Variants in DIPK1A observed in about 807,000 individuals in gnomAD.
DIPK1A encodes the protein family with sequence similarity 69 member A.
A neutral mutation model predicts 40.8 loss-of-function variants in DIPK1A; 27 were observed. The observed-to-expected ratio is 0.66, with a 90% CI of 0.49 to 0.91. The LOEUF is 0.91. Among genes scored for constraint, DIPK1A ranks in the 40% least tolerant of loss-of-function variants. The pLI is 0.00. For synonymous variants in DIPK1A, 166 were observed against 171.3 expected (o/e 0.97, Z 0.24); for missense variants, 412 against 505.7 (o/e 0.81, Z 1.78).
chr1:92,950,068 G>A (rs149853085), intron 1 of DIPK1A, among the ~76,000 whole-genome samples: 11 of 152,250 alleles, frequency 7.2e-5, no homozygotes, highest in East Asian at 3.9e-4. Context: ...TCATGCACTC[G>A]CAGTTTGGGT....
At chr1:92,893,366 G>T (rs1304221383) in intron 1 of DIPK1A, among the ~76,000 whole-genome samples, 2 of 151,782 alleles carry the variant, frequency 1.3e-5, no homozygotes, top group Admixed American at 6.6e-5. Context: ...TTAAAGAAAA[G>T]AATTTTCAAC....
intron 1 of DIPK1A, among the ~76,000 whole-genome samples, chr1:92,910,290 G>A (rs1312577215): frequency 6.6e-6 from 1 of 152,028 alleles, no homozygotes; most frequent in Non-Finnish European, 1.5e-5. Flanking sequence ...AGAATTCAAT[G>A]GACTGATCTC....
chr1:92,944,017 G>A (rs1651271502), intron 1 of DIPK1A, among the ~76,000 whole-genome samples: 1 of 151,612 alleles, frequency 6.6e-6, no homozygotes, highest in South Asian at 2.1e-4. Context: ...TGAAGAGGAT[G>A]GTGCATCCAC....
intron 1 of DIPK1A, among the ~76,000 whole-genome samples, chr1:92,955,176 G>A (rs1040688242): frequency 6.6e-6 from 1 of 152,014 alleles, no homozygotes; most frequent in African/African-American, 2.4e-5. Context: ...TGGCTTTTGG[G>A]GGCTCAGTGG....
intron 2 of DIPK1A, among the ~76,000 whole-genome samples, chr1:92,855,552 A>T (rs539664234): frequency 9.9e-5 from 15 of 151,158 alleles, no homozygotes; most frequent in South Asian, 2.1e-4. Flanking sequence ...TTTTTTTTTT[A>T]AATTAGCCAG....
intron 1 of DIPK1A, among the ~76,000 whole-genome samples, chr1:92,915,562 G>C (rs988239228): frequency 6.6e-6 from 1 of 152,178 alleles, no homozygotes; most frequent in Admixed American, 6.5e-5. Context: ...GACAGTATCA[G>C]TAAGAATAGT....
chr1:92,884,841 A>T (rs1271629573), intron 1 of DIPK1A, among the ~76,000 whole-genome samples: 1 of 152,238 alleles, frequency 6.6e-6, no homozygotes, highest in Non-Finnish European at 1.5e-5. Context: ...ACTTCTAAGG[A>T]CTTACAAGCT....
chr1:92,912,091 T>C (rs1231391700), intron 1 of DIPK1A, among the ~76,000 whole-genome samples: 2 of 151,838 alleles, frequency 1.3e-5, no homozygotes, highest in Non-Finnish European at 2.9e-5. Context: ...TATACCATTT[T>C]ATACTCTCAA....
At chr1:92,876,987 C>A in intron 1 of DIPK1A, 3 of 985,290 alleles carry the variant, frequency 3.0e-6, no homozygotes, top group Non-Finnish European at 3.6e-6. Context: ...TCTTGTTCAG[C>A]GAACCAAATG....
chr1:92,832,838 C>T, exon 5 of DIPK1A: 3 of 598,516 alleles, frequency 5.0e-6, no homozygotes, highest in Middle Eastern at 5.2e-4. Context: ...GTGCTCTTGC[C>T]CAGTTAAGCT....
intron 1 of DIPK1A, among the ~76,000 whole-genome samples, chr1:92,957,922 T>G (rs1449268323): frequency 2.6e-5 from 4 of 152,238 alleles, no homozygotes; most frequent in Non-Finnish European, 5.9e-5. Flanking sequence ...CTAATCTATC[T>G]TTTTGTCTTT....
intron 1 of DIPK1A, among the ~76,000 whole-genome samples, chr1:92,879,157 G>A (rs1428547853): frequency 6.6e-6 from 1 of 152,152 alleles, no homozygotes; most frequent in Non-Finnish European, 1.5e-5. Context: ...TACAGCCTGG[G>A]TGACACAGAG....
intron 1 of DIPK1A, among the ~76,000 whole-genome samples, chr1:92,910,584 A>T (rs918840059): frequency 7.2e-5 from 11 of 152,066 alleles, no homozygotes; most frequent in African/African-American, 2.7e-4. Flanking sequence ...CCATTCCAAG[A>T]TTCCATTCCT....
chr1:92,888,818 A>C (rs1031042607), intron 1 of DIPK1A, among the ~76,000 whole-genome samples: 9 of 152,136 alleles, frequency 5.9e-5, no homozygotes, highest in African/African-American at 2.2e-4. Context: ...CTTCTTTTGA[A>C]AGATGTGTCC....
chr1:92,916,514 C>G (rs1650061383), intron 1 of DIPK1A, among the ~76,000 whole-genome samples: 1 of 152,006 alleles, frequency 6.6e-6, no homozygotes, highest in Non-Finnish European at 1.5e-5. Context: ...GTTGGCCAGG[C>G]TGGTCTCGAA....
intron 2 of DIPK1A, among the ~76,000 whole-genome samples, chr1:92,858,536 T>C (rs887568316): frequency 1.2e-4 from 19 of 152,224 alleles, no homozygotes; most frequent in African/African-American, 4.3e-4. Context: ...TAAAATCTCA[T>C]TGAGGATTAA....
chr1:92,836,635 A>C, intron 4 of DIPK1A: 1 of 518,470 alleles, frequency 1.9e-6, no homozygotes, highest in South Asian at 2.1e-5. Context: ...AAGAGATGGG[A>C]TTGAAACCAC....
At chr1:92,850,531 A>G (rs1428653542) in intron 3 of DIPK1A, among the ~76,000 whole-genome samples, 1 of 152,110 alleles carries the variant, frequency 6.6e-6, no homozygotes, top group African/African-American at 2.4e-5. Context: ...AATACAAAAA[A>G]TTAGCCAAGT....
At chr1:92,854,984 C>T (rs1310921373) in intron 2 of DIPK1A, among the ~76,000 whole-genome samples, 1 of 151,684 alleles carries the variant, frequency 6.6e-6, no homozygotes, top group Non-Finnish European at 1.5e-5. Context: ...CATTCTCTGA[C>T]CACATATAAA....
Sources: allele counts gnomAD v4.1 joint callset (sites outside exome capture counted in the v4.1 genomes callset), GRCh38; gene constraint gnomAD v4.1.1; transcripts MANE v1.5; gene names NCBI Gene and HGNC (gene_info 2026-07-23, HGNC 2026-07-21).